The following PPP6R3 variants were observed in gnomAD, a reference collection of about 807,000 sequenced individuals.
The protein encoded by PPP6R3 is protein phosphatase 6 regulatory subunit 3, also known as serine/threonine-protein phosphatase 6 regulatory subunit 3.
PPP6R3 carries 38 observed loss-of-function variants against 110.7 expected under a neutral mutation model. The observed-to-expected ratio is 0.34, with a 90% CI of 0.26 to 0.45. The LOEUF (loss-of-function observed/expected upper bound fraction) is 0.45, where lower values mean the gene tolerates loss of function less well. Ranked by LOEUF, PPP6R3 falls within the 20% of genes least tolerant of loss-of-function variation. PPP6R3 has a pLI of 1.00. For missense variants in PPP6R3, 870 were observed against 1,062.4 expected, an observed-to-expected ratio of 0.82 and a Z score of 2.52; for synonymous variants, 369 against 373.5, an observed-to-expected ratio of 0.99 and a Z score of 0.14.
rs1940788032 is a variant in PPP6R3, at chr11:68,607,450, GA to G, written c.2451-2449del. Among the ~76,000 whole-genome samples, 7 of 152,156 alleles carry G rather than the reference GA, an allele frequency of 4.6e-5. No individual in the cohort carries two copies. The South Asian group carries it at 1.4e-3, about 32-fold the overall frequency. ...CTCCAGCTGGATTAAAAGACAATAA[GA>G]AAAACATGTGCAGTGCTTTCTGTGG... On this transcript the variant is annotated intron_variant, in intron 22 of 23. Coordinates refer to ENST00000393800, the MANE Select transcript of PPP6R3 (RefSeq NM_001164161.2).
chr11:68,464,800 C>T (rs926667032), intron 1 of PPP6R3, among the ~76,000 whole-genome samples: 1 of 151,958 alleles, frequency 6.6e-6, no homozygotes, highest in Non-Finnish European at 1.5e-5. Context: ...AATAATCTTA[C>T]ACTACTGTAA....
chr11:68,596,755 C>G (rs1275666387), intron 19 of PPP6R3, among the ~76,000 whole-genome samples: 1 of 152,226 alleles, frequency 6.6e-6, no homozygotes. Flanking sequence ...TTTAAAAATA[C>G]TTCAAAAACT....
chr11:68,554,941 A>G lies in PPP6R3; in HGVS notation c.731+684A>G, dbSNP rs571631458. Reference sequence around the variant, plus strand: ...ATTGTTGTTTTTAATGCTTTTGTCAATCCTTTTTATTCCTGCTGTATATTG... The same window carrying G: ...ATTGTTGTTTTTAATGCTTTTGTCAGTCCTTTTTATTCCTGCTGTATATTG... On this transcript the variant is annotated intron_variant, in intron 7 of 23. Coordinates refer to ENST00000393800, the MANE Select transcript of PPP6R3 (RefSeq NM_001164161.2). 1.3e-5 allele frequency among the ~76,000 whole-genome samples: 2 copies of G among 152,226 alleles called. 1 individual carries two copies. Among genetic ancestry groups the G allele is most frequent in the African/African-American group, 4.8e-5 (2 of 41,556 alleles).
At chr11:68,473,098 T>G (rs1180868159) in intron 1 of PPP6R3, among the ~76,000 whole-genome samples, 1 of 152,184 alleles carries the variant, frequency 6.6e-6, no homozygotes, top group Non-Finnish European at 1.5e-5. Context: ...AAATGATAAG[T>G]GTCTTTTTGT....
intron 7 of PPP6R3, among the ~76,000 whole-genome samples, chr11:68,556,876 C>T (rs995648159): frequency 3.3e-5 from 5 of 152,126 alleles, no homozygotes; most frequent in African/African-American, 4.8e-5. Flanking sequence ...GTCAAGTTTT[C>T]GCTGGTTATT....
chr11:68,614,665 G>A lies in PPP6R3; in HGVS notation c.*1548G>A. The stretch of plus-strand genomic sequence containing the variant: ...AGATTCCAGCACTCCCAGGACAGTG[G>A]AGTCAGCAGTAAGCCCTGGGACAGG... On this transcript the variant is annotated 3_prime_UTR_variant, in exon 24 of 24. Transcript: ENST00000393800. 6.6e-7 allele frequency: 1 copy of A among 1,520,136 alleles called. No homozygotes were observed. Among genetic ancestry groups the A allele is most frequent in the South Asian group, 1.3e-5 (1 of 78,392 alleles). The allele number at this position is 1,520,136 out of a possible 1,614,324, so 94.2% of individuals were successfully genotyped here.
intron 2 of PPP6R3, among the ~76,000 whole-genome samples, chr11:68,532,464 C>G (rs1195295363): frequency 6.6e-6 from 1 of 152,156 alleles, no homozygotes; most frequent in Non-Finnish European, 1.5e-5. Context: ...ACAAAAAACT[C>G]TAGGATTTTG....
chr11:68,575,028 T>C (rs193205598), intron 13 of PPP6R3, among the ~76,000 whole-genome samples: 8 of 152,354 alleles, frequency 5.3e-5, no homozygotes, highest in Non-Finnish European at 1.2e-4. Context: ...TCACCAGGGA[T>C]GGAAAAAGTG....
At chr11:68,555,183 G>A (rs1300867658) in intron 7 of PPP6R3, among the ~76,000 whole-genome samples, 1 of 152,092 alleles carries the variant, frequency 6.6e-6, no homozygotes, top group African/African-American at 2.4e-5. Flanking sequence ...AAAGATTGCC[G>A]GCTTCTGAGT....
chr11:68,517,126 AC>A (rs1344218241), intron 1 of PPP6R3, among the ~76,000 whole-genome samples: 1 of 146,340 alleles, frequency 6.8e-6, no homozygotes, highest in African/African-American at 2.5e-5. Flanking sequence ...TTTTTTTAGA[AC>A]CCCTGTTGGT....
At position 68,614,367 on chromosome 11, in the gene PPP6R3, G is replaced by GT. The variant is rs551606026; in HGVS notation, c.*1251dup. 428 of 1,217,232 alleles carry GT rather than the reference G, an allele frequency of 3.5e-4. No homozygotes were observed. In the African/African-American group the frequency reaches 6.6e-3, roughly 19 times the overall value. The allele number at this position is 1,217,232 out of a possible 1,614,324, so 75.4% of individuals were successfully genotyped here. Reference sequence around the variant, plus strand: ...ATATTGTATATTGCCATATCGTCTGGTGAAAGGGTTAAATTACTTCACCTC... The same window carrying GT: ...ATATTGTATATTGCCATATCGTCTGGTTGAAAGGGTTAAATTACTTCACCTC... On this transcript the variant is annotated 3_prime_UTR_variant, in exon 24 of 24. Coordinates refer to ENST00000393800, the MANE Select transcript of PPP6R3 (RefSeq NM_001164161.2).
chr11:68,500,176 G>A (rs1007179816), intron 1 of PPP6R3, among the ~76,000 whole-genome samples: 1 of 152,132 alleles, frequency 6.6e-6, no homozygotes, highest in Non-Finnish European at 1.5e-5. Context: ...ACACACATTT[G>A]CTTGATATTA....
chr11:68,529,230 G>C (rs533058135), intron 2 of PPP6R3, among the ~76,000 whole-genome samples: 1 of 152,110 alleles, frequency 6.6e-6, no homozygotes, highest in Admixed American at 6.5e-5. Context: ...GTGTGTGTGT[G>C]TTTTTCCAGA....
At chr11:68,471,127 A>G (rs910281168) in intron 1 of PPP6R3, among the ~76,000 whole-genome samples, 8 of 151,866 alleles carry the variant, frequency 5.3e-5, no homozygotes, top group Admixed American at 1.3e-4. Flanking sequence ...TAAAAAAAAT[A>G]CAAAAAAATT....
chr11:68,524,334 A>G (rs998462693), intron 2 of PPP6R3, among the ~76,000 whole-genome samples: 1 of 152,202 alleles, frequency 6.6e-6, no homozygotes, highest in Admixed American at 6.5e-5. Context: ...CCCTCCAGGT[A>G]GTGAGCCTTT....
chr11:68,467,555 T>C (rs1455652402), intron 1 of PPP6R3, among the ~76,000 whole-genome samples: 1 of 152,156 alleles, frequency 6.6e-6, no homozygotes, highest in African/African-American at 2.4e-5. Context: ...AGACACACTT[T>C]GAGAAAAAAG....
rs199780892 is a variant in PPP6R3 at position 68,548,046 on chromosome 11, T to C, written c.415-21T>C. 5.1e-4 allele frequency: 821 copies of C among 1,604,190 alleles called. 2 individuals carry two copies. The highest frequency in any genetic ancestry group is 2.9e-4 in the Non-Finnish European group (345 of 1,175,566). On this transcript the variant is annotated intron_variant, in intron 4 of 23. Coordinates refer to ENST00000393800, the MANE Select transcript of PPP6R3 (RefSeq NM_001164161.2). ...GTTTCCAAGTTACATGTCTTTCAGTTTCTGATCTGTTCTTCTCTAGATTGT... is the reference window on the plus strand; with the variant it reads ...GTTTCCAAGTTACATGTCTTTCAGTCTCTGATCTGTTCTTCTCTAGATTGT...
intron 7 of PPP6R3, among the ~76,000 whole-genome samples, chr11:68,556,819 G>A (rs1173356884): frequency 5.9e-5 from 9 of 152,204 alleles, no homozygotes; most frequent in African/African-American, 2.2e-4. Context: ...GCGTGTTTAG[G>A]TAAAACTCAG....
At chr11:68,609,688 G>C (rs985130351) in intron 22 of PPP6R3, 1 of 1,577,690 alleles carries the variant, frequency 6.3e-7, no homozygotes, top group Non-Finnish European at 8.6e-7. Flanking sequence ...CATTGTCCCT[G>C]TTTTGGTTCC....
Sources: allele counts gnomAD v4.1 joint callset (sites outside exome capture counted in the v4.1 genomes callset), GRCh38; gene constraint gnomAD v4.1.1; transcripts MANE v1.5; gene names NCBI Gene and HGNC (gene_info 2026-07-23, HGNC 2026-07-21).